The following TJP1 variants were observed in gnomAD, a reference collection of about 807,000 sequenced individuals.
The protein encoded by TJP1 is tight junction protein 1.
Under a neutral mutation model 194.2 loss-of-function variants are expected in TJP1, and 43 were observed. The observed-to-expected ratio is 0.22, with a 90% CI of 0.17 to 0.29. The LOEUF (loss-of-function observed/expected upper bound fraction) is 0.29. TJP1 is among the 10% of genes least tolerant of loss of function. The pLI, the probability that TJP1 is intolerant of heterozygous loss-of-function variation, is 1.00. For synonymous variants in TJP1, 801 were observed against 779.0 expected (o/e 1.03, Z -0.47); for missense variants, 1,971 against 2,185.7 (o/e 0.90, Z 1.96).
intron 2 of TJP1, among the ~76,000 whole-genome samples, chr15:29,794,108 TTTTC>T (rs761968096): frequency 7.9e-5 from 12 of 152,202 alleles, no homozygotes; most frequent in Non-Finnish European, 1.3e-4. Flanking sequence ...TCTTTGATGA[TTTTC>T]TTTTTTTCTT....
intron 8 of TJP1, among the ~76,000 whole-genome samples, chr15:29,751,166 A>G (rs577069382): frequency 6.6e-6 from 1 of 152,378 alleles, no homozygotes; most frequent in Middle Eastern, 3.4e-3. Flanking sequence ...GGGGATGAGA[A>G]AGCAAGAGAT....
intron 2 of TJP1, among the ~76,000 whole-genome samples, chr15:29,833,890 T>A (rs1398319924): frequency 2.1e-5 from 1 of 48,258 alleles, no homozygotes; most frequent in African/African-American, 6.0e-5. Context: ...TATTTTTTTT[T>A]TTTTTTTTTT....
At chr15:29,949,450 C>CACT (rs2055475404) in intron 2 of TJP1, among the ~76,000 whole-genome samples, 1 of 129,060 alleles carries the variant, frequency 7.7e-6, no homozygotes, top group African/African-American at 2.9e-5. Flanking sequence ...CCTCCACCTT[C>CACT]ACCACCACTT....
At chr15:29,881,677 C>T (rs909933967) in intron 2 of TJP1, among the ~76,000 whole-genome samples, 1 of 152,090 alleles carries the variant, frequency 6.6e-6, no homozygotes, top group Admixed American at 6.5e-5. Flanking sequence ...CCAATTTGAA[C>T]CACACATTGG....
Position 29,716,766 on chromosome 15 carries a change from T to A in TJP1, c.4047A>T (p.Glu1349Asp), listed in dbSNP as rs763326080. Reference sequence around the variant, plus strand: ...GTTTTCGATAATATTCTTCATCTTCTTCAGGGTCATAATGATTGGACCGAA... The same window carrying A: ...GTTTTCGATAATATTCTTCATCTTCATCAGGGTCATAATGATTGGACCGAA... ...DIVRSNHYDP[E>D]EDEEYYRKQL... The change falls in exon 23 of 28, where the codon GAA becomes GAT. Residue 1349 changes from glutamate (E) to aspartate (D), a missense_variant. Transcript: ENST00000614355. The A allele has an allele frequency of 1.2e-6, 2 of 1,614,170 alleles. No homozygotes were observed. The highest frequency in any genetic ancestry group is 1.7e-6 in the Non-Finnish European group (2 of 1,180,012).
upstream of TJP1, chr15:29,824,008 A>C (rs1336329357): frequency 1.5e-5 from 2 of 136,096 alleles, no homozygotes; most frequent in Admixed American, 8.2e-5. Flanking sequence ...ACTTGAACCC[A>C]GGAGGCGGAG....
intron 2 of TJP1, among the ~76,000 whole-genome samples, chr15:29,893,911 A>T (rs887241957): frequency 1.3e-5 from 2 of 152,212 alleles, no homozygotes; most frequent in African/African-American, 4.8e-5. Flanking sequence ...CTGTGAAATA[A>T]GGTGCTGAAG....
chr15:29,862,844 T>C (rs1482187869), intron 2 of TJP1, among the ~76,000 whole-genome samples: 1 of 150,254 alleles, frequency 6.7e-6, no homozygotes, highest in Non-Finnish European at 1.5e-5. Flanking sequence ...GAGACGGGGT[T>C]TCACCGTGTT....
chr15:29,861,437 C>T (rs1446816786), intron 2 of TJP1, among the ~76,000 whole-genome samples: 6 of 152,062 alleles, frequency 3.9e-5, no homozygotes, highest in African/African-American at 7.2e-5. Context: ...GAATTGCAGA[C>T]GTGTGAAAAA....
At chr15:29,710,006 C>T (rs2042137572) in intron 24 of TJP1, among the ~76,000 whole-genome samples, 1 of 152,016 alleles carries the variant, frequency 6.6e-6, no homozygotes, top group Non-Finnish European at 1.5e-5. Flanking sequence ...ATTAGCCGGG[C>T]GTGGTGGTGT....
At chr15:29,927,094 T>G (rs1011739280) in intron 2 of TJP1, among the ~76,000 whole-genome samples, 2 of 152,088 alleles carry the variant, frequency 1.3e-5, no homozygotes, top group African/African-American at 4.8e-5. Context: ...GTGAGGTGGG[T>G]GCATCACCTG....
chr15:29,938,847 C>G (rs2054970780), intron 2 of TJP1, among the ~76,000 whole-genome samples: 1 of 152,184 alleles, frequency 6.6e-6, no homozygotes, highest in African/African-American at 2.4e-5. Context: ...ACAAGAGACC[C>G]AAACAGGACT....
chr15:29,817,154 C>T (rs1229471884), intron 1 of TJP1, among the ~76,000 whole-genome samples: 1 of 152,090 alleles, frequency 6.6e-6, no homozygotes, highest in Non-Finnish European at 1.5e-5. Context: ...AGAATATGAA[C>T]AGACACTTCT....
intron 1 of TJP1, among the ~76,000 whole-genome samples, chr15:29,960,653 T>G (rs1053522945): frequency 7.3e-5 from 9 of 124,012 alleles, no homozygotes; most frequent in African/African-American, 1.3e-4. Flanking sequence ...AAAAAAAAAG[T>G]AATAATCAGT....
chr15:29,718,312 G>A lies in TJP1; in HGVS notation c.3830C>T (p.Ala1277Val). The A allele has an allele frequency of 6.2e-7, 1 of 1,614,050 alleles. No individual in the cohort carries two copies. The highest frequency in any genetic ancestry group is 1.3e-5 in the African/African-American group (1 of 75,020). Residue 1277 changes from alanine to valine, a missense_variant, in exon 21 of 28, where the codon GCA becomes GTA. This residue lies in a region of TJP1 where 1,108 missense variants were observed against 1,128.5 expected (regional missense o/e 0.98). Coordinates refer to ENST00000614355, the MANE Select transcript of TJP1 (RefSeq NM_001330239.4). ...RVKMFENKRS[A>V]SLETKKDVND... Reference sequence around the variant, plus strand: ...TACATCCTTCTTGGTCTCTAAGGATGCAGATCTTTTGTTTTCAAACATCTT... The same window carrying A: ...TACATCCTTCTTGGTCTCTAAGGATACAGATCTTTTGTTTTCAAACATCTT...
chr15:29,721,182 A>C (rs1182314371), intron 18 of TJP1, among the ~76,000 whole-genome samples: 1 of 152,214 alleles, frequency 6.6e-6, no homozygotes, highest in East Asian at 1.9e-4. Flanking sequence ...TATGTTTAGG[A>C]AACAACTGAT....
intron 2 of TJP1, among the ~76,000 whole-genome samples, chr15:29,904,043 C>T (rs1216345875): frequency 1.3e-5 from 2 of 152,156 alleles, no homozygotes; most frequent in Admixed American, 1.3e-4. Flanking sequence ...AATAAACTTA[C>T]TTCACCAGCT....
chr15:29,718,401 G>C lies in TJP1; in HGVS notation c.3741C>G (p.Pro1247=), dbSNP rs760473806. The C allele has an allele frequency of 6.2e-7, 1 of 1,614,130 alleles. No homozygotes were observed. Among genetic ancestry groups the C allele is most frequent in the Non-Finnish European group, 8.5e-7 (1 of 1,180,024 alleles). Residue 1247 remains proline, a synonymous_variant, in exon 21 of 28, where the codon CCC becomes CCG. Transcript: ENST00000614355. The stretch of plus-strand genomic sequence containing the variant: ...CTTCCTCTTCTTCGGTTTGAGTTGG[G>C]GGTGGAGGCAGTGGTTTGGTGTTTG... ...LPSNTKPLPP[P]PTQTEEEEDP... is the part of the protein sequence containing the mutation.
At chr15:29,725,598 A>G (rs942646468) in intron 18 of TJP1, among the ~76,000 whole-genome samples, 32 of 152,162 alleles carry the variant, frequency 2.1e-4, no homozygotes, top group Non-Finnish European at 2.6e-4. Flanking sequence ...AGCTTCCCTC[A>G]ATGGTGTATT....
Sources: gnomAD v4.1 joint callset for allele counts (sites outside exome capture counted in the v4.1 genomes callset) on GRCh38, gnomAD v4.1.1 for gene constraint, gnomAD v4.1.1 regional missense constraint, MANE v1.5 for transcripts, NCBI Gene and HGNC (gene_info 2026-07-23, HGNC 2026-07-21) for gene names.